The following TENM3 variants were observed in gnomAD, a reference collection of about 807,000 sequenced individuals.
The protein encoded by TENM3 is teneurin transmembrane protein 3.
In TENM3, 63 loss-of-function variants were observed where a neutral mutation model predicts 255.1. The observed-to-expected ratio is 0.25, with a 90% CI of 0.20 to 0.30. The LOEUF is 0.30. Ranked by LOEUF, TENM3 falls within the 10% of genes least tolerant of loss-of-function variation. The pLI is 1.00. For synonymous variants in TENM3, 1,306 were observed against 1,322.3 expected, an observed-to-expected ratio of 0.99 and a Z score of 0.27; for missense variants, 2,929 against 3,461.1, an observed-to-expected ratio of 0.85 and a Z score of 3.86.
the TENM3 span, among the ~76,000 whole-genome samples, chr4:181,529,262 G>A: frequency 6.6e-6 from 1 of 152,102 alleles, no homozygotes; most frequent in Non-Finnish European, 1.5e-5. Flanking sequence ...AAAAATGAAT[G>A]AGAAATGGTA....
chr4:182,055,267 A>G, the TENM3 span, among the ~76,000 whole-genome samples: 1 of 152,006 alleles, frequency 6.6e-6, no homozygotes, highest in East Asian at 1.9e-4. Flanking sequence ...GGATTGCTTG[A>G]GCCTGAGGAG....
At chr4:182,588,631 AAATATTTTAAAATGGGTAGAAG>A (rs1324163174) in intron 3 of TENM3, among the ~76,000 whole-genome samples, 4 of 152,186 alleles carry the variant, frequency 2.6e-5, no homozygotes, top group Non-Finnish European at 5.9e-5. Flanking sequence ...CTCTCAGGTA[AAATATTTTAAAATGGGTAGAAG>A]AATATCCTGA....
chr4:181,491,925 A>T, the TENM3 span, among the ~76,000 whole-genome samples: 1 of 152,148 alleles, frequency 6.6e-6, no homozygotes, highest in Non-Finnish European at 1.5e-5. Context: ...AAAAATTAAA[A>T]CTCATATGAT....
chr4:181,536,869 T>C, the TENM3 span, among the ~76,000 whole-genome samples: 3 of 152,148 alleles, frequency 2.0e-5, no homozygotes, highest in Non-Finnish European at 4.4e-5. Flanking sequence ...AGTATTAATT[T>C]GCAATGAGAA....
chr4:182,698,340 C>T (rs1757590015), intron 12 of TENM3, among the ~76,000 whole-genome samples: 1 of 152,220 alleles, frequency 6.6e-6, no homozygotes, highest in African/African-American at 2.4e-5. Flanking sequence ...CTACCAACCT[C>T]TGGTGAAGTG....
intron 3 of TENM3, among the ~76,000 whole-genome samples, chr4:182,444,744 G>C (rs1324503572): frequency 6.6e-6 from 1 of 152,090 alleles, no homozygotes; most frequent in Non-Finnish European, 1.5e-5. Context: ...CTTTGGTGGG[G>C]CTTATCCTGA....
chr4:181,626,774 C>G, the TENM3 span, among the ~76,000 whole-genome samples: 2 of 152,182 alleles, frequency 1.3e-5, no homozygotes, highest in Non-Finnish European at 2.9e-5. Flanking sequence ...TCAACCATAT[C>G]AGGGGCCATT....
chr4:181,534,471 C>T, the TENM3 span, among the ~76,000 whole-genome samples: 3 of 103,570 alleles, frequency 2.9e-5, no homozygotes, highest in Admixed American at 1.6e-4. Context: ...GGTCTTCCCC[C>T]CCCCCACAGA....
the TENM3 span, among the ~76,000 whole-genome samples, chr4:182,065,460 GC>G: frequency 6.6e-6 from 1 of 152,236 alleles, no homozygotes; most frequent in African/African-American, 2.4e-5. Context: ...GGGAGCACGC[GC>G]GTCACGTGGC....
At chr4:182,583,200 G>A (rs188980752) in intron 3 of TENM3, among the ~76,000 whole-genome samples, 2 of 152,120 alleles carry the variant, frequency 1.3e-5, no homozygotes, top group African/African-American at 2.4e-5. Context: ...CCCAGAATAA[G>A]CCCCTTGCCA....
At chr4:181,583,826 T>C in the TENM3 span, among the ~76,000 whole-genome samples, 1 of 152,226 alleles carries the variant, frequency 6.6e-6, no homozygotes, top group Non-Finnish European at 1.5e-5. Flanking sequence ...CTCCTACCTC[T>C]AAGATAGACT....
the TENM3 span, among the ~76,000 whole-genome samples, chr4:181,910,103 T>G: frequency 1.9e-3 from 282 of 152,324 alleles, 1 homozygote; most frequent in South Asian, 0.021. Context: ...TGACACCTTC[T>G]TGTCCTCAGT....
chr4:182,293,457 C>G (rs1372193007), intron 1 of TENM3, among the ~76,000 whole-genome samples: 2 of 152,178 alleles, frequency 1.3e-5, no homozygotes, highest in Non-Finnish European at 1.5e-5. Context: ...TGGAAGGATG[C>G]GTCTCTCTTC....
intron 24 of TENM3, among the ~76,000 whole-genome samples, chr4:182,784,248 C>CTGTT (rs1392152148): frequency 6.6e-6 from 1 of 152,026 alleles, no homozygotes; most frequent in African/African-American, 2.4e-5. Context: ...GATGTCCTTT[C>CTGTT]TGTTTGTTAG....
intron 3 of TENM3, among the ~76,000 whole-genome samples, chr4:182,540,419 G>A (rs1434669786): frequency 6.6e-5 from 10 of 152,056 alleles, no homozygotes; most frequent in East Asian, 3.9e-4. Flanking sequence ...GAGAAACCCC[G>A]TCTCTACTAA....
At chr4:181,893,583 C>G in the TENM3 span, among the ~76,000 whole-genome samples, 2 of 143,870 alleles carry the variant, frequency 1.4e-5, no homozygotes, top group Non-Finnish European at 3.0e-5. Flanking sequence ...ATTTTTACTT[C>G]TGCAATATCA....
At chr4:181,820,486 AACACACACACAC>A in the TENM3 span, among the ~76,000 whole-genome samples, 10 of 148,082 alleles carry the variant, frequency 6.8e-5, 1 homozygote, top group Non-Finnish European at 1.3e-4. Context: ...ATTTTCTTTA[AACACACACACAC>A]ACACACACAC....
At chr4:182,509,647 T>TA (rs1373899605) in intron 3 of TENM3, among the ~76,000 whole-genome samples, 1 of 151,878 alleles carries the variant, frequency 6.6e-6, no homozygotes, top group African/African-American at 2.4e-5. Flanking sequence ...GGATGGAAAG[T>TA]AAAAAATGGG....
At chr4:181,710,079 GC>G in the TENM3 span, among the ~76,000 whole-genome samples, 1 of 152,088 alleles carries the variant, frequency 6.6e-6, no homozygotes, top group Admixed American at 6.5e-5. Context: ...GGACATGCTG[GC>G]TTTAGAAACA....
Sources: allele counts gnomAD v4.1 joint callset (sites outside exome capture counted in the v4.1 genomes callset), GRCh38; gene constraint gnomAD v4.1.1; transcripts MANE v1.5; gene names NCBI Gene and HGNC (gene_info 2026-07-23, HGNC 2026-07-21).